The following TRPV1 variants were observed in gnomAD, a reference collection of about 807,000 sequenced individuals.
TRPV1 encodes OTRPC1.
Under a neutral mutation model 82.3 loss-of-function variants are expected in TRPV1, and 82 were observed. That is an observed-to-expected ratio of 1.00 (90% CI 0.83 to 1.20). TRPV1 has a LOEUF of 1.20. TRPV1 is among the 50% of genes most tolerant of loss of function. The pLI, the probability that TRPV1 is intolerant of heterozygous loss-of-function variation, is 0.00. For missense variants in TRPV1, 1,067 were observed against 1,096.8 expected (o/e 0.97, Z 0.38); for synonymous variants, 515 against 467.7 (o/e 1.10, Z -1.30).
intron 2 of TRPV1, among the ~76,000 whole-genome samples, chr17:3,598,539 C>T (rs893156696): frequency 1.3e-5 from 2 of 151,694 alleles, no homozygotes; most frequent in Non-Finnish European, 2.9e-5. Flanking sequence ...CACGCCACAC[C>T]CCACCATACC....
chr17:3,566,851 C>G lies in TRPV1; in HGVS notation c.2484G>C (p.Glu828Asp). ...FSGSLKPEDA[E>D]VFKSPAASGE... is the part of the protein sequence containing the mutation. Reference sequence around the variant, plus strand: ...CGGAAGCGGCAGGACTCTTGAAGACCTCAGCGTCCTCTGGCTTCAGAGACC... The same window carrying G: ...CGGAAGCGGCAGGACTCTTGAAGACGTCAGCGTCCTCTGGCTTCAGAGACC... The change falls in exon 17 of 17, where the codon GAG becomes GAC. Residue 828 changes from glutamate (E) to aspartate (D), a missense_variant. Transcript: ENST00000572705. The G allele has an allele frequency of 6.2e-7, 1 of 1,613,982 alleles. No individual in the cohort carries two copies. The highest frequency in any genetic ancestry group is 8.5e-7 in the Non-Finnish European group (1 of 1,179,874).
chr17:3,589,012 G>A, intron 7 of TRPV1: 2 of 1,495,184 alleles, frequency 1.3e-6, no homozygotes, highest in South Asian at 1.2e-5. Flanking sequence ...AGAGCCAGAT[G>A]GGGTGGCTCA....
chr17:3,577,501 G>A, intron 12 of TRPV1, 97 bp downstream of exon 12: 1 of 1,411,756 alleles, frequency 7.1e-7, no homozygotes, highest in Non-Finnish European at 9.7e-7. Context: ...CCCTTCCCAG[G>A]CACGACAGAG....
rs1314104918 is a variant in TRPV1 at position 3,577,147 on chromosome 17, A to C, written c.1759T>G (p.Phe587Val). Residue 587 changes from phenylalanine (F) to valine (V), a missense_variant, in exon 13 of 17, where the codon TTC (phenylalanine) becomes GTC (valine). Phe to Val is a conservative substitution (Grantham distance 50). Coordinates refer to ENST00000572705, the MANE Select transcript of TRPV1 (RefSeq NM_080704.4). The stretch of plus-strand genomic sequence containing the variant: ...TTACCTGTGGAAAACCCGAACAAGA[A>C]GACGATGTAGACAAACATGAAACGG... ...LCRFMFVYIV[F>V]LFGFSTAVVT... is the part of the protein sequence containing the mutation. The C allele has an allele frequency of 1.6e-5, 26 of 1,588,710 alleles. No homozygotes were observed. Among genetic ancestry groups the C allele is most frequent in the East Asian group, 2.3e-5 (1 of 43,624 alleles).
At chr17:3,568,826 G>A (rs537937121) in intron 16 of TRPV1, among the ~76,000 whole-genome samples, 2 of 152,154 alleles carry the variant, frequency 1.3e-5, no homozygotes, top group Non-Finnish European at 1.5e-5. Flanking sequence ...CAGATCACCT[G>A]AGATCAGGAG....
In TRPV1 at chr17:3,573,718, A is replaced by T. The variant is rs200161120; in HGVS notation, c.2018T>A (p.Ile673Asn). Residue 673 changes from isoleucine (I) to asparagine (N), a missense_variant, in exon 14 of 17, where the codon ATC becomes AAC. By Grantham distance (149) the Ile-to-Asn change is moderately radical (BLOSUM62 -3). Coordinates refer to ENST00000572705, the MANE Select transcript of TRPV1 (RefSeq NM_080704.4). ...GGCGATGAGCATGTTGAGCAGGAGG[A>T]TGTAGGTGAGAATTACATAGGCCAG... ...LLLAYVILTY[I>N]LLLNMLIALM... 1.4e-5 allele frequency: 23 copies of T among 1,613,808 alleles called. No homozygotes were observed. Among genetic ancestry groups the T allele is most frequent in the Non-Finnish European group, 1.9e-5 (22 of 1,179,998 alleles).
intron 11 of TRPV1, among the ~76,000 whole-genome samples, chr17:3,579,430 C>T (rs1006352701): frequency 6.6e-6 from 1 of 152,002 alleles, no homozygotes; most frequent in Non-Finnish European, 1.5e-5. Context: ...GCTTGAGGCT[C>T]TGGCTTACTT....
intron 2 of TRPV1, among the ~76,000 whole-genome samples, chr17:3,601,277 C>T (rs1346947021): frequency 6.6e-6 from 1 of 152,052 alleles, no homozygotes; most frequent in African/African-American, 2.4e-5. Flanking sequence ...CTGGTCCAAC[C>T]TCCCACAACC....
At chr17:3,603,176 T>G (rs999841209) in intron 2 of TRPV1, among the ~76,000 whole-genome samples, 1 of 152,012 alleles carries the variant, frequency 6.6e-6, no homozygotes, top group African/African-American at 2.4e-5. Flanking sequence ...TTCCTGCATT[T>G]CGTCTCTGTG....
At chr17:3,577,222 G>C (rs200101801) in intron 12 of TRPV1, 30 bp from the exon 13 acceptor site, 9 of 1,563,610 alleles carry the variant, frequency 5.8e-6, no homozygotes, top group Non-Finnish European at 8.7e-7. Flanking sequence ...CATCAGAGCC[G>C]AGGCCAGGCC....
chr17:3,587,904 T>A (rs1297042641), intron 8 of TRPV1, among the ~76,000 whole-genome samples: 2 of 152,054 alleles, frequency 1.3e-5, no homozygotes, highest in Non-Finnish European at 2.9e-5. Flanking sequence ...CTCATTTATG[T>A]AAACAAAATG....
chr17:3,577,123 T>C lies in TRPV1; in HGVS notation c.1780+3A>G, dbSNP rs1368783089. On this transcript the variant is annotated splice_donor_region_variant and intron_variant, in intron 13 of 16. Transcript: ENST00000572705. ...CTCCCCCAGCGCTGACCAAGCTCAT[T>C]ACCTGTGGAAAACCCGAACAAGAAG... The C allele has an allele frequency of 1.9e-6, 3 of 1,582,100 alleles. No homozygotes were observed. Among genetic ancestry groups the C allele is most frequent in the African/African-American group, 1.3e-5 (1 of 74,164 alleles).
At position 3,580,452 on chromosome 17, in the gene TRPV1, C is replaced by T. The variant is rs201383354; in HGVS notation, c.1547+5G>A. 17 of 1,614,054 alleles carry T rather than the reference C, an allele frequency of 1.1e-5. No homozygotes were observed. The highest frequency in any genetic ancestry group is 1.4e-5 in the Non-Finnish European group (17 of 1,179,904). ...GGACTGGGAATGAGTCAAAGTGTCA[C>T]TTACAAAAGCATCTCACTGTAGCTG... On this transcript the variant is annotated splice_donor_5th_base_variant and intron_variant, in intron 11 of 16. Transcript: ENST00000572705.
At chr17:3,568,226 G>A (rs2074800480) in intron 16 of TRPV1, among the ~76,000 whole-genome samples, 3 of 151,560 alleles carry the variant, frequency 2.0e-5, no homozygotes, top group Admixed American at 6.6e-5. Context: ...GGAGGCTGAA[G>A]CAGGAGAATG....
rs199797156 is a variant in TRPV1 at position 3,566,991 on chromosome 17, A to C, written c.2348-4T>G. ...TTCTTCCAGTGTCTGCCTGAAACTG[A>C]AGGGTAACACTATTACTACCTTGGA... On this transcript the variant is annotated splice_polypyrimidine_tract_variant and splice_region_variant and intron_variant, in intron 16 of 16. Coordinates refer to ENST00000572705, the MANE Select transcript of TRPV1 (RefSeq NM_080704.4). 7.7e-5 allele frequency: 125 copies of C among 1,613,524 alleles called. No homozygotes were observed. Among genetic ancestry groups the C allele is most frequent in the Non-Finnish European group, 1.0e-4 (122 of 1,179,762 alleles).
chr17:3,601,179 C>A (rs549540648), intron 2 of TRPV1, among the ~76,000 whole-genome samples: 1 of 152,130 alleles, frequency 6.6e-6, no homozygotes, highest in Non-Finnish European at 1.5e-5. Flanking sequence ...CTCGGCCCTC[C>A]CTGGGCTGTT....
intron 14 of TRPV1, among the ~76,000 whole-genome samples, chr17:3,572,938 A>G (rs1160411221): frequency 2.8e-5 from 4 of 144,638 alleles, no homozygotes; most frequent in African/African-American, 1.0e-4. Flanking sequence ...AGCCAAGATC[A>G]TGCCAATGCA....
intron 7 of TRPV1, among the ~76,000 whole-genome samples, 159 bp downstream of exon 7, chr17:3,589,648 A>G (rs984194410): frequency 1.3e-5 from 2 of 152,044 alleles, no homozygotes; most frequent in African/African-American, 4.8e-5. Flanking sequence ...GTGGCTCCCA[A>G]TTTCTCAGAC....
chr17:3,591,413 C>T (rs902691795), intron 3 of TRPV1, 60 bp from the exon 4 acceptor site: 55 of 1,508,704 alleles, frequency 3.6e-5, no homozygotes, highest in Admixed American at 9.1e-5. Flanking sequence ...CTGAGGCCTT[C>T]GGAGCTTGTC....
Sources: allele counts gnomAD v4.1 joint callset (sites outside exome capture counted in the v4.1 genomes callset), GRCh38; gene constraint gnomAD v4.1.1; transcripts MANE v1.5; gene names NCBI Gene and HGNC (gene_info 2026-07-23, HGNC 2026-07-21).